FUT9: variants seen among roughly 807,000 people sequenced by gnomAD.
FUT9 encodes 4-galactosyl-N-acetylglucosaminide 3-alpha-L-fucosyltransferase 9.
A neutral mutation model predicts 29.7 loss-of-function variants in FUT9; 15 were observed. The ratio of observed to expected loss-of-function variants is 0.51; its 90% CI spans 0.34 to 0.78. FUT9 has a LOEUF of 0.78. FUT9 is among the 30% of genes least tolerant of loss of function. The pLI, the probability that FUT9 is intolerant of heterozygous loss-of-function variation, is 0.01. For synonymous variants in FUT9, 169 were observed against 153.7 expected (o/e 1.10, Z -0.74); for missense variants, 319 against 425.4 (o/e 0.75, Z 2.20).
rs968896941 is a variant in FUT9 at position 96,205,232 on chromosome 6, C to A, written c.*997C>A. 8.4e-5 allele frequency: 14 copies of A among 166,926 alleles called. 1 individual carries two copies. The highest frequency in any genetic ancestry group is 5.2e-4 in the Admixed American group (8 of 15,280). The allele number at this position is 166,926 out of a possible 1,614,324, so 10.3% of individuals were successfully genotyped here. On this transcript the variant is annotated 3_prime_UTR_variant, in exon 3 of 3. Transcript: ENST00000302103. ...CCCTATCATTTGATTTGAGTTCTATCATTTAAGAGAGCCTAAATAAAATTA... is the reference window on the plus strand; with the variant it reads ...CCCTATCATTTGATTTGAGTTCTATAATTTAAGAGAGCCTAAATAAAATTA...
chr6:96,085,032 A>G (rs1264863160), intron 1 of FUT9, among the ~76,000 whole-genome samples: 2 of 152,146 alleles, frequency 1.3e-5, no homozygotes, highest in African/African-American at 4.8e-5. Flanking sequence ...CAGTTTGACT[A>G]TTTGAAAGGA....
intron 1 of FUT9, among the ~76,000 whole-genome samples, chr6:96,059,424 A>G (rs1770834026): frequency 6.6e-6 from 1 of 152,162 alleles, no homozygotes; most frequent in Non-Finnish European, 1.5e-5. Context: ...CAGAAAGTTA[A>G]TGTTGTTTTA....
chr6:96,068,987 G>A (rs1771007758), intron 1 of FUT9, among the ~76,000 whole-genome samples: 1 of 152,150 alleles, frequency 6.6e-6, no homozygotes. Flanking sequence ...AAGAAAATAG[G>A]ATTCTATTTA....
At position 96,210,410 on chromosome 6, in the gene FUT9, A is replaced by T. The variant is rs1019567988; in HGVS notation, c.*6175A>T. On this transcript the variant is annotated 3_prime_UTR_variant, in exon 3 of 3. Transcript: ENST00000302103. Reference sequence around the variant, plus strand: ...GCGAACCTGAATGCACATTAGAACCATCTGGAGAGGCTTTAAAATTGCAGA... The same window carrying T: ...GCGAACCTGAATGCACATTAGAACCTTCTGGAGAGGCTTTAAAATTGCAGA... 8 of 166,814 alleles carry T rather than the reference A, an allele frequency of 4.8e-5. No individual in the cohort carries two copies. Among genetic ancestry groups the T allele is most frequent in the Non-Finnish European group, 1.2e-4 (8 of 68,016 alleles). 10.3% of individuals were successfully genotyped at this position (166,814 alleles called of 1,614,324 possible). A position where few individuals can be genotyped will look rare whatever the true frequency, so the allele number is the denominator to read the frequency against.
chr6:96,106,269 T>C (rs1217122107), intron 1 of FUT9, among the ~76,000 whole-genome samples: 1 of 128,372 alleles, frequency 7.8e-6, no homozygotes, highest in African/African-American at 2.8e-5. Context: ...CTTCCTCTAT[T>C]TTTGTCAGAA....
intron 2 of FUT9, among the ~76,000 whole-genome samples, chr6:96,150,432 G>A (rs1772655443): frequency 6.6e-6 from 1 of 152,204 alleles, no homozygotes; most frequent in Admixed American, 6.5e-5. Flanking sequence ...TGAGCCTCTA[G>A]TGTGTGAAAG....
intron 1 of FUT9, among the ~76,000 whole-genome samples, chr6:96,073,632 T>G (rs956359367): frequency 1.3e-5 from 2 of 152,156 alleles, no homozygotes; most frequent in African/African-American, 4.8e-5. Context: ...ATCTTGCTAT[T>G]AATTAAAATC....
intron 2 of FUT9, among the ~76,000 whole-genome samples, chr6:96,147,424 C>T (rs1772590774): frequency 1.3e-5 from 2 of 152,124 alleles, no homozygotes; most frequent in Admixed American, 1.3e-4. Flanking sequence ...CTGCCTCAGC[C>T]TCCCAAAATG....
chr6:96,196,541 A>G (rs1773629381), intron 2 of FUT9, among the ~76,000 whole-genome samples: 1 of 151,920 alleles, frequency 6.6e-6, no homozygotes, highest in South Asian at 2.1e-4. Flanking sequence ...GTGAAACCCC[A>G]TCTCTACTAA....
intron 2 of FUT9, among the ~76,000 whole-genome samples, chr6:96,128,724 T>C (rs1772177771): frequency 6.6e-6 from 1 of 152,112 alleles, no homozygotes; most frequent in Admixed American, 6.5e-5. Flanking sequence ...ATAATCAAAA[T>C]GTCCATCAAT....
chr6:96,021,550 T>A (rs1047497570), intron 1 of FUT9, among the ~76,000 whole-genome samples: 2 of 152,066 alleles, frequency 1.3e-5, no homozygotes, highest in African/African-American at 4.8e-5. Flanking sequence ...TATCCTATAA[T>A]CAAAAGTTTA....
At chr6:96,140,998 C>T (rs973357793) in intron 2 of FUT9, among the ~76,000 whole-genome samples, 2 of 152,100 alleles carry the variant, frequency 1.3e-5, no homozygotes, top group African/African-American at 4.8e-5. Flanking sequence ...ACTTCAGTTT[C>T]TGGGTTGTAA....
chr6:96,098,070 C>T (rs1476445595), intron 1 of FUT9, among the ~76,000 whole-genome samples: 1 of 151,036 alleles, frequency 6.6e-6, no homozygotes, highest in Non-Finnish European at 1.5e-5. Flanking sequence ...CTATTCCCAG[C>T]ATGTGTCTGA....
intron 2 of FUT9, among the ~76,000 whole-genome samples, chr6:96,171,027 G>T (rs997482155): frequency 2.0e-5 from 3 of 152,134 alleles, no homozygotes; most frequent in Admixed American, 6.6e-5. Context: ...CTGAGACAAA[G>T]ACTTGATTGC....
chr6:96,136,688 T>G (rs2127971398), intron 2 of FUT9, among the ~76,000 whole-genome samples: 1 of 152,064 alleles, frequency 6.6e-6, no homozygotes, highest in South Asian at 2.1e-4. Context: ...ACAATGCTTT[T>G]TATGCACAGA....
intron 1 of FUT9, among the ~76,000 whole-genome samples, chr6:96,084,608 A>G (rs1192281869): frequency 6.6e-6 from 1 of 152,140 alleles, no homozygotes; most frequent in East Asian, 1.9e-4. Flanking sequence ...TTAGCAACAC[A>G]GTAAATGTGT....
intron 2 of FUT9, among the ~76,000 whole-genome samples, chr6:96,122,344 C>T (rs1451036178): frequency 6.6e-6 from 1 of 152,080 alleles, no homozygotes; most frequent in African/African-American, 2.4e-5. Context: ...ATTTCCAATA[C>T]AATATTGGAT....
At chr6:96,120,172 A>G (rs1771995291) in intron 2 of FUT9, among the ~76,000 whole-genome samples, 1 of 151,916 alleles carries the variant, frequency 6.6e-6, no homozygotes, top group Admixed American at 6.6e-5. Context: ...CCATCGTAGA[A>G]GTCTATTTTA....
At chr6:96,132,080 C>A (rs904324157) in intron 2 of FUT9, among the ~76,000 whole-genome samples, 1 of 152,054 alleles carries the variant, frequency 6.6e-6, no homozygotes, top group Non-Finnish European at 1.5e-5. Flanking sequence ...TGTCTCTCTA[C>A]AAAATGCCCA....
Sources: allele counts gnomAD v4.1 joint callset (sites outside exome capture counted in the v4.1 genomes callset), GRCh38; gene constraint gnomAD v4.1.1; transcripts MANE v1.5; gene names NCBI Gene and HGNC (gene_info 2026-07-23, HGNC 2026-07-21).